MREG: variants seen among roughly 807,000 people sequenced by gnomAD.
The protein encoded by MREG is dilute suppressor protein homolog.
A neutral mutation model predicts 28.5 loss-of-function variants in MREG; 31 were observed. The observed-to-expected ratio is 1.09, with a 90% confidence interval of 0.82 to 1.47. The LOEUF is 1.47. Among genes scored for constraint, MREG ranks in the 40% most tolerant of loss-of-function variants. The pLI, the probability that MREG is intolerant of heterozygous loss-of-function variation, is 0.00. For synonymous variants in MREG, 106 were observed against 95.2 expected (o/e 1.11, Z -0.66); for missense variants, 256 against 257.4 (o/e 0.99, Z 0.04).
intron 2 of MREG, among the ~76,000 whole-genome samples, chr2:215,984,518 CAAAAAAAA>C (rs375220091): frequency 4.4e-5 from 3 of 68,062 alleles, no homozygotes; most frequent in African/African-American, 2.1e-4. Context: ...ACCTTGTCAC[CAAAAAAAA>C]AAAAAAAAAA....
intron 1 of MREG, among the ~76,000 whole-genome samples, chr2:216,012,898 T>G (rs150343315): frequency 7.0e-4 from 107 of 152,312 alleles, no homozygotes; most frequent in African/African-American, 2.5e-3. Flanking sequence ...AAATACCCAG[T>G]CACAGTTGTA....
At chr2:215,972,498 C>A (rs894410624) in intron 2 of MREG, among the ~76,000 whole-genome samples, 1 of 151,760 alleles carries the variant, frequency 6.6e-6, no homozygotes, top group African/African-American at 2.4e-5. Context: ...CAAAAACTAG[C>A]CAGGCCTGGT....
Position 216,026,353 on chromosome 2 carries a change from GTTTA to G in MREG, c.-68+6432_-68+6435del, listed in dbSNP as rs530129897. ...ATTTTAAAATGGTTACTTCCATTGT[GTTTA>G]TTTATTTATTTATTTATTTATTTTT... On this transcript the variant is annotated intron_variant, in intron 1 of 3. Transcript: ENST00000420348. Among the ~76,000 whole-genome samples the G allele has an allele frequency of 8.0e-3, 1,189 of 148,480 alleles. 11 individuals carry two copies. The highest frequency in any genetic ancestry group is 0.01 in the Middle Eastern group (3 of 290).
chr2:215,993,656 C>T (rs1033298713), intron 2 of MREG, among the ~76,000 whole-genome samples: 4 of 151,838 alleles, frequency 2.6e-5, no homozygotes, highest in African/African-American at 9.7e-5. Context: ...AAAATTTTTG[C>T]AATCTATCTA....
downstream of MREG, among the ~76,000 whole-genome samples, chr2:215,940,951 A>G (rs772971748): frequency 1.3e-5 from 2 of 152,198 alleles, no homozygotes; most frequent in Admixed American, 6.5e-5. Context: ...CATTTGACAG[A>G]TCAGTGGCCA....
At chr2:215,988,136 A>G (rs376266525) in intron 2 of MREG, among the ~76,000 whole-genome samples, 172 of 152,244 alleles carry the variant, frequency 1.1e-3, no homozygotes, top group African/African-American at 4.0e-3. Flanking sequence ...TCCAGTCTGC[A>G]GCTCACGGTG....
chr2:216,011,113 A>AT, intron 1 of MREG, among the ~76,000 whole-genome samples: 1 of 151,708 alleles, frequency 6.6e-6, no homozygotes, highest in South Asian at 2.1e-4. Context: ...AAAAAAAAAA[A>AT]TAGTGGTGAT....
chr2:215,939,489 T>C (rs2105960312), downstream of MREG: 1 of 152,248 alleles, frequency 6.6e-6, no homozygotes, highest in East Asian at 1.9e-4. Context: ...AATATTGAAA[T>C]AAAAATGGCA....
chr2:215,986,193 T>C (rs1693566294), intron 2 of MREG, among the ~76,000 whole-genome samples: 1 of 152,216 alleles, frequency 6.6e-6, no homozygotes, highest in East Asian at 1.9e-4. Context: ...AAAGAAAACA[T>C]ATTTATTTAG....
intron 2 of MREG, 83 bp downstream of exon 2, chr2:215,996,223 A>T: frequency 7.4e-7 from 1 of 1,349,234 alleles, no homozygotes; most frequent in Non-Finnish European, 9.9e-7. Context: ...TCTTTTTGTT[A>T]TTTCAAGGGG....
chr2:216,029,452 G>A (rs1193606317), intron 1 of MREG, among the ~76,000 whole-genome samples: 1 of 131,728 alleles, frequency 7.6e-6, no homozygotes, highest in East Asian at 2.3e-4. Flanking sequence ...CACTCCGCCT[G>A]GCGAGAGAGT....
chr2:215,984,153 A>G (rs976110493), intron 2 of MREG, among the ~76,000 whole-genome samples: 1 of 152,196 alleles, frequency 6.6e-6, no homozygotes, highest in African/African-American at 2.4e-5. Context: ...GCAAAGAGAG[A>G]GAACTTGTGC....
chr2:215,983,133 A>G (rs1462679319), intron 2 of MREG, among the ~76,000 whole-genome samples: 1 of 152,234 alleles, frequency 6.6e-6, no homozygotes, highest in Non-Finnish European at 1.5e-5. Context: ...AATTATCTAG[A>G]AAATCGCTTC....
chr2:215,979,319 C>T (rs935998221), intron 2 of MREG, among the ~76,000 whole-genome samples: 5 of 151,620 alleles, frequency 3.3e-5, no homozygotes, highest in African/African-American at 7.3e-5. Context: ...CAAAATTAGC[C>T]GGGCATGGTG....
intron 1 of MREG, among the ~76,000 whole-genome samples, chr2:216,019,327 A>C (rs1220649149): frequency 6.6e-6 from 1 of 152,072 alleles, no homozygotes; most frequent in Non-Finnish European, 1.5e-5. Flanking sequence ...GAAAAAACAC[A>C]ACTCTCTTTT....
At chr2:215,996,546 T>TCAA in intron 1 of MREG, 81 bp from the exon 2 acceptor site, 1 of 1,021,720 alleles carries the variant, frequency 9.8e-7, no homozygotes, top group Non-Finnish European at 1.5e-6. Context: ...ACATACAATA[T>TCAA]CAATTAAAAC....
intron 2 of MREG, among the ~76,000 whole-genome samples, chr2:215,958,349 G>A (rs1413248912): frequency 2.0e-5 from 3 of 152,084 alleles, no homozygotes; most frequent in Admixed American, 6.6e-5. Flanking sequence ...TTCAGAGTTC[G>A]TGCAGCAAAC....
At chr2:216,028,767 C>T (rs6721105) in intron 1 of MREG, among the ~76,000 whole-genome samples, 20,765 of 151,948 alleles carry the variant, frequency 0.14, 1,724 homozygotes, top group South Asian at 0.22. Context: ...TTGAATTTAT[C>T]TTGCTGTTTG....
At position 216,018,751 on chromosome 2, in the gene MREG, T is replaced by C. The variant is rs1023587574; in HGVS notation, c.-68+14038A>G. 2.0e-5 allele frequency among the ~76,000 whole-genome samples: 3 copies of C among 152,250 alleles called. No individual in the cohort carries two copies. In the East Asian group the frequency reaches 5.8e-4, roughly 29 times the overall value. On this transcript the variant is annotated intron_variant, in intron 1 of 3. Coordinates refer to the MREG transcript ENST00000420348. ...ATCCGCCAAGGGTCCTTATAGAGTC[T>C]GTTGTTTCTACCTGTGTAGTATCCC...
Sources: allele counts gnomAD v4.1 joint callset (sites outside exome capture counted in the v4.1 genomes callset), GRCh38; gene constraint gnomAD v4.1.1; transcripts MANE v1.5; gene names NCBI Gene and HGNC (gene_info 2026-07-23, HGNC 2026-07-21).